Variants in RCOR1 observed in about 807,000 individuals in gnomAD.
RCOR1 encodes the protein REST corepressor 1, also known as REST corepressor.
In RCOR1, 12 loss-of-function variants were observed where a neutral mutation model predicts 64.0. The observed-to-expected ratio is 0.19, with a 90% CI of 0.12 to 0.30. The LOEUF is 0.30. Among genes scored for constraint, RCOR1 ranks in the 10% least tolerant of loss-of-function variants. The pLI is 1.00. For synonymous variants in RCOR1, 279 were observed against 227.2 expected, an observed-to-expected ratio of 1.23 and a Z score of -2.05; for missense variants, 502 against 621.2, an observed-to-expected ratio of 0.81 and a Z score of 2.04.
rs181776982 is a variant in RCOR1 at position 102,682,130 on chromosome 14, T to A, written c.445+152T>A. The A allele has an allele frequency of 2.2e-3, 1,111 of 503,092 alleles. 21 individuals are homozygous for A. The East Asian group carries it at 0.032, about 14-fold the overall frequency. 31.2% of individuals were successfully genotyped at this position (503,092 alleles called of 1,614,324 possible). On this transcript the variant is annotated intron_variant, in intron 3 of 11. Coordinates refer to ENST00000262241, the MANE Select transcript of RCOR1 (RefSeq NM_015156.4). ...GTTTTAAAGTGTATATTTCTTTTTT[T>A]AAAATTTTTTATTTTTTGAGATGGA... is the stretch of plus-strand genomic sequence containing the variant.
At chr14:102,613,948 A>G (rs1893692396) in intron 2 of RCOR1, among the ~76,000 whole-genome samples, 1 of 129,138 alleles carries the variant, frequency 7.7e-6, no homozygotes, top group Non-Finnish European at 1.5e-5. Context: ...GCTGGAGTGC[A>G]GTGGTGCAAT....
In RCOR1 at chr14:102,593,181, G is replaced by C; in HGVS notation, c.295G>C (p.Glu99Gln). The C allele has an allele frequency of 6.6e-7, 1 of 1,508,984 alleles. No individual in the cohort carries two copies. The highest frequency in any genetic ancestry group is 8.8e-7 in the Non-Finnish European group (1 of 1,134,722). The allele number at this position is 1,508,984 out of a possible 1,614,324, so 93.5% of individuals were successfully genotyped here. A position where few individuals can be genotyped will look rare whatever the true frequency, so the allele number is the denominator to read the frequency against. ...CAGCTCGGGCTCGTCCAGCGACGAGGAGCACGGTAGGTGGCAGCCGCCCCC... is the reference window on the plus strand; with the variant it reads ...CAGCTCGGGCTCGTCCAGCGACGAGCAGCACGGTAGGTGGCAGCCGCCCCC... ...EGSSGSSSDEEHGGGGMRVGP... is the reference protein window; with the variant it reads ...EGSSGSSSDEQHGGGGMRVGP... Residue 99 changes from glutamate to glutamine, a missense_variant, in exon 1 of 12, where the codon GAG becomes CAG. Glu to Gln is a conservative substitution (Grantham distance 29). Coordinates refer to ENST00000262241, the MANE Select transcript of RCOR1 (RefSeq NM_015156.4).
At chr14:102,673,481 C>T (rs1025343800) in intron 2 of RCOR1, among the ~76,000 whole-genome samples, 20 of 151,184 alleles carry the variant, frequency 1.3e-4, no homozygotes, top group Non-Finnish European at 5.9e-5. Flanking sequence ...GGACTACAGT[C>T]GCCCACTACC....
intron 2 of RCOR1, among the ~76,000 whole-genome samples, chr14:102,595,517 A>G (rs190177418): frequency 2.0e-5 from 3 of 152,104 alleles, no homozygotes; most frequent in East Asian, 1.9e-4. Context: ...GAAAACATCT[A>G]ACTGTTTTGC....
chr14:102,609,515 C>G (rs151043534), intron 2 of RCOR1, among the ~76,000 whole-genome samples: 133 of 152,270 alleles, frequency 8.7e-4, no homozygotes, highest in African/African-American at 3.2e-3. Flanking sequence ...TCTCGGCTCA[C>G]TGCAGTTTCC....
intron 2 of RCOR1, among the ~76,000 whole-genome samples, chr14:102,639,981 G>A (rs1006061065): frequency 8.5e-5 from 13 of 152,170 alleles, no homozygotes; most frequent in African/African-American, 2.7e-4. Flanking sequence ...GAGCAGCTGG[G>A]ATTACAGGCA....
intron 8 of RCOR1, among the ~76,000 whole-genome samples, chr14:102,718,014 G>T (rs1896099762): frequency 6.6e-6 from 1 of 152,122 alleles, no homozygotes; most frequent in Non-Finnish European, 1.5e-5. Flanking sequence ...GTATATCAAG[G>T]ATATATTCTG....
intron 2 of RCOR1, among the ~76,000 whole-genome samples, chr14:102,639,622 C>A (rs1425578568): frequency 6.6e-6 from 1 of 150,600 alleles, no homozygotes; most frequent in Non-Finnish European, 1.5e-5. Flanking sequence ...TATCTTCCTC[C>A]TCCTGGGTTC....
chr14:102,726,606 A>C lies in RCOR1; in HGVS notation c.*100A>C. 18 of 1,025,360 alleles carry C rather than the reference A, an allele frequency of 1.8e-5. No individual in the cohort carries two copies. Among genetic ancestry groups the C allele is most frequent in the Non-Finnish European group, 2.6e-5 (18 of 680,188 alleles). 63.5% of individuals were successfully genotyped at this position (1,025,360 alleles called of 1,614,324 possible). ...AGCCATCTGCATCACATCTCTCTGG[A>C]CAAGCAGCTATTACCAAAAAAGGCA... On this transcript the variant is annotated 3_prime_UTR_variant, in exon 12 of 12. Transcript: ENST00000262241.
At chr14:102,719,318 T>C (rs1242539148) in intron 8 of RCOR1, among the ~76,000 whole-genome samples, 5 of 152,242 alleles carry the variant, frequency 3.3e-5, no homozygotes, top group Middle Eastern at 3.4e-3. Flanking sequence ...TTATTACATA[T>C]GTATGCATGT....
chr14:102,631,867 C>T (rs1183654519), intron 2 of RCOR1, among the ~76,000 whole-genome samples: 2 of 152,036 alleles, frequency 1.3e-5, no homozygotes, highest in Non-Finnish European at 2.9e-5. Flanking sequence ...GTGGCGCGAT[C>T]TCGTCTCACT....
chr14:102,721,266 G>A, intron 9 of RCOR1, 54 bp from the exon 10 acceptor site: 1 of 1,473,652 alleles, frequency 6.8e-7, no homozygotes, highest in Non-Finnish European at 9.5e-7. Flanking sequence ...AAGCTCATAA[G>A]GACATACTCA....
At chr14:102,656,118 A>C (rs1894718108) in intron 2 of RCOR1, 1 of 984,286 alleles carries the variant, frequency 1.0e-6, no homozygotes, top group African/African-American at 1.8e-5. Flanking sequence ...CTTTGAAATC[A>C]CTTTGCTGAG....
chr14:102,681,686 T>C (rs754076175), intron 2 of RCOR1, among the ~76,000 whole-genome samples: 12 of 152,130 alleles, frequency 7.9e-5, no homozygotes, highest in Non-Finnish European at 1.2e-4. Context: ...TACTGTAAAA[T>C]CAGTAAAAGT....
At chr14:102,630,032 C>T in intron 2 of RCOR1, 2 of 964,966 alleles carry the variant, frequency 2.1e-6, no homozygotes, top group Non-Finnish European at 2.5e-6. Flanking sequence ...GATTACTTAA[C>T]CACTGCTATA....
chr14:102,604,937 A>C (rs1893473075), intron 2 of RCOR1, among the ~76,000 whole-genome samples: 1 of 151,920 alleles, frequency 6.6e-6, no homozygotes, highest in African/African-American at 2.4e-5. Context: ...ACAAAAAATT[A>C]GCCAGGCTAT....
At chr14:102,665,814 T>C (rs1394542396) in intron 2 of RCOR1, among the ~76,000 whole-genome samples, 3 of 152,208 alleles carry the variant, frequency 2.0e-5, no homozygotes, top group African/African-American at 4.8e-5. Flanking sequence ...GTGTGTGTTA[T>C]GTGACAGATA....
At chr14:102,606,848 A>C (rs1386728853) in intron 2 of RCOR1, among the ~76,000 whole-genome samples, 1 of 149,666 alleles carries the variant, frequency 6.7e-6, no homozygotes, top group African/African-American at 2.5e-5. Context: ...TAGGGGCTGA[A>C]TTTTCTAAGA....
intron 2 of RCOR1, among the ~76,000 whole-genome samples, chr14:102,658,847 T>C (rs1033544218): frequency 1.3e-5 from 2 of 152,238 alleles, no homozygotes; most frequent in Admixed American, 1.3e-4. Context: ...GTTATGAATT[T>C]GGGGAATTCA....
Sources: gnomAD v4.1 joint callset for allele counts (sites outside exome capture counted in the v4.1 genomes callset) on GRCh38, gnomAD v4.1.1 for gene constraint, MANE v1.5 for transcripts, NCBI Gene and HGNC (gene_info 2026-07-23, HGNC 2026-07-21) for gene names.